Variants in TENM2 observed in about 807,000 individuals in gnomAD.
TENM2 encodes teneurin-2.
Under a neutral mutation model 245.2 loss-of-function variants are expected in TENM2, and 52 were observed. The observed-to-expected ratio is 0.21, with a 90% CI of 0.17 to 0.27. TENM2 has a LOEUF of 0.27. Ranked by LOEUF, TENM2 falls within the 10% of genes least tolerant of loss-of-function variation. The probability of loss-of-function intolerance (pLI) is 1.00; values close to 1 mark genes in which losing one functional copy is unlikely to be tolerated. For missense variants in TENM2, 3,046 were observed against 3,666.8 expected, an observed-to-expected ratio of 0.83 and a Z score of 4.37; for synonymous variants, 1,363 against 1,438.9, an observed-to-expected ratio of 0.95 and a Z score of 1.19.
the TENM2 span, among the ~76,000 whole-genome samples, chr5:167,082,590 G>T: frequency 2.0e-5 from 3 of 152,102 alleles, no homozygotes; most frequent in Non-Finnish European, 4.4e-5. Flanking sequence ...CAGCCGAAGT[G>T]AGATATGCTG....
chr5:167,606,079 C>A (rs1006430484), intron 2 of TENM2, among the ~76,000 whole-genome samples: 3 of 152,150 alleles, frequency 2.0e-5, no homozygotes, highest in Non-Finnish European at 4.4e-5. Context: ...AGGCCCAGCC[C>A]AGAGCAATTT....
exon 1 of TENM2, chr5:167,284,936 C>T (rs1467501263): frequency 1.1e-5 from 17 of 1,551,596 alleles, no homozygotes; most frequent in Admixed American, 2.0e-5. Context: ...AGGACTGCCG[C>T]GTGCCCACAC....
chr5:167,483,217 T>C (rs975987016), intron 2 of TENM2, among the ~76,000 whole-genome samples: 4 of 152,182 alleles, frequency 2.6e-5, no homozygotes, highest in Non-Finnish European at 5.9e-5. Context: ...CAATTTCCTA[T>C]TGCAGGCTAT....
chr5:167,983,183 GA>G (rs61167885), intron 4 of TENM2, among the ~76,000 whole-genome samples: 48,559 of 142,208 alleles, frequency 0.34, 7,999 homozygotes, highest in African/African-American at 0.4. Flanking sequence ...AAAAGAAGAA[GA>G]AAAAAAAAAA....
chr5:167,379,216 G>A (rs567035673), intron 2 of TENM2, among the ~76,000 whole-genome samples: 4 of 152,262 alleles, frequency 2.6e-5, no homozygotes, highest in South Asian at 2.1e-4. Flanking sequence ...CTCTGGGCAC[G>A]TAATGGATTT....
At chr5:167,250,226 G>A in the TENM2 span, among the ~76,000 whole-genome samples, 1 of 151,984 alleles carries the variant, frequency 6.6e-6, no homozygotes, top group African/African-American at 2.4e-5. Flanking sequence ...GAGGCTGAGT[G>A]GGGAGGATCA....
intron 2 of TENM2, among the ~76,000 whole-genome samples, chr5:167,618,815 T>C (rs1777965679): frequency 6.6e-6 from 1 of 152,152 alleles, no homozygotes; most frequent in African/African-American, 2.4e-5. Flanking sequence ...AGTACCATTT[T>C]ACCTGTATAA....
chr5:167,804,115 C>A (rs558692785), intron 2 of TENM2, among the ~76,000 whole-genome samples: 1 of 151,868 alleles, frequency 6.6e-6, no homozygotes, highest in Non-Finnish European at 1.5e-5. Flanking sequence ...ATATGAAATT[C>A]GAAGCATTTC....
chr5:167,098,600 A>C, the TENM2 span, among the ~76,000 whole-genome samples: 1 of 152,188 alleles, frequency 6.6e-6, no homozygotes, highest in Non-Finnish European at 1.5e-5. Flanking sequence ...TGTTAAATCC[A>C]TATTAGAACC....
At chr5:167,848,471 AT>A (rs1261456380) in intron 2 of TENM2, among the ~76,000 whole-genome samples, 2 of 152,152 alleles carry the variant, frequency 1.3e-5, no homozygotes, top group African/African-American at 4.8e-5. Context: ...TATATTTTGT[AT>A]GTATATATCT....
chr5:168,148,335 C>A (rs1046343059), intron 12 of TENM2, among the ~76,000 whole-genome samples: 2 of 152,172 alleles, frequency 1.3e-5, no homozygotes, highest in African/African-American at 4.8e-5. Context: ...TGGCACCTAA[C>A]AAAAGCATAG....
chr5:167,339,925 C>T (rs1451556529), intron 1 of TENM2, among the ~76,000 whole-genome samples: 1 of 152,112 alleles, frequency 6.6e-6, no homozygotes, highest in African/African-American at 2.4e-5. Flanking sequence ...GTCTTGGACT[C>T]GACAACATAT....
At chr5:167,462,881 C>T (rs142166652) in intron 2 of TENM2, among the ~76,000 whole-genome samples, 74 of 152,008 alleles carry the variant, frequency 4.9e-4, no homozygotes, top group African/African-American at 1.3e-3. Flanking sequence ...GCTGGAGAAC[C>T]GCCTTCTTCT....
At chr5:167,930,156 T>C (rs774935961) in intron 3 of TENM2, among the ~76,000 whole-genome samples, 33 of 152,222 alleles carry the variant, frequency 2.2e-4, no homozygotes, top group Non-Finnish European at 4.3e-4. Flanking sequence ...TGTAAAAAGA[T>C]CAATTGAGTT....
chr5:167,805,677 T>C (rs1240180540), intron 2 of TENM2, among the ~76,000 whole-genome samples: 1 of 152,154 alleles, frequency 6.6e-6, no homozygotes. Flanking sequence ...TTCTTTTCGC[T>C]TAGCTCTGAG....
intron 1 of TENM2, among the ~76,000 whole-genome samples, chr5:167,369,968 T>G (rs1170275708): frequency 6.6e-6 from 1 of 152,126 alleles, no homozygotes. Context: ...CAAAGACATA[T>G]CTCTCCTTAA....
At chr5:168,015,461 G>A (rs1785576358) in intron 5 of TENM2, among the ~76,000 whole-genome samples, 1 of 152,250 alleles carries the variant, frequency 6.6e-6, no homozygotes, top group Admixed American at 6.5e-5. Context: ...CGGCACTGCA[G>A]CAGAGAACGA....
chr5:167,776,421 A>AC (rs1752245557), intron 2 of TENM2, among the ~76,000 whole-genome samples: 1 of 151,302 alleles, frequency 6.6e-6, no homozygotes, highest in Non-Finnish European at 1.5e-5. Flanking sequence ...GCAAGGCGAG[A>AC]CCCCATCTCT....
intron 2 of TENM2, among the ~76,000 whole-genome samples, chr5:167,549,252 C>CT (rs898264720): frequency 1.3e-5 from 2 of 152,082 alleles, no homozygotes; most frequent in African/African-American, 2.4e-5. Flanking sequence ...TGTGAAAGGC[C>CT]TTTTTTTCCC....
Sources: allele counts gnomAD v4.1 joint callset (sites outside exome capture counted in the v4.1 genomes callset), GRCh38; gene constraint gnomAD v4.1.1; transcripts MANE v1.5; gene names NCBI Gene and HGNC (gene_info 2026-07-23, HGNC 2026-07-21).